Variants in CAMTA1 observed in about 807,000 individuals in gnomAD.
CAMTA1 encodes calmodulin-binding transcription activator 1.
Under a neutral mutation model 170.9 loss-of-function variants are expected in CAMTA1, and 27 were observed. That is an observed-to-expected ratio of 0.16 (90% CI 0.12 to 0.22). The LOEUF is 0.22. Among genes scored for constraint, CAMTA1 ranks in the 10% least tolerant of loss-of-function variants. The pLI, the probability that CAMTA1 is intolerant of heterozygous loss-of-function variation, is 1.00. For synonymous variants in CAMTA1, 833 were observed against 891.5 expected (o/e 0.93, Z 1.17); for missense variants, 1,619 against 2,217.2 (o/e 0.73, Z 5.42).
intron 6 of CAMTA1, among the ~76,000 whole-genome samples, chr1:7,479,050 G>A (rs961989279): frequency 2.6e-5 from 4 of 152,342 alleles, no homozygotes; most frequent in Admixed American, 1.3e-4. Flanking sequence ...CCCACTCTGC[G>A]TGTGGACGTC....
At chr1:7,104,107 C>T (rs1418902251) in intron 4 of CAMTA1, among the ~76,000 whole-genome samples, 1 of 123,486 alleles carries the variant, frequency 8.1e-6, no homozygotes, top group Non-Finnish European at 1.8e-5. Context: ...CACAACTACA[C>T]ACATGTACAC....
Position 7,384,234 on chromosome 1 carries a change from G to A in CAMTA1, c.439-83596G>A, listed in dbSNP as rs182058946. On this transcript the variant is annotated intron_variant, in intron 5 of 22. Coordinates refer to ENST00000303635, the MANE Select transcript of CAMTA1 (RefSeq NM_015215.4). The stretch of plus-strand genomic sequence containing the variant: ...GAAAGCACCACCTGCAGCACAATTT[G>A]TACTTACTGCTTCTGCCAGAGGTTT... Among the ~76,000 whole-genome samples, 215 of 152,336 alleles carry A rather than the reference G, an allele frequency of 1.4e-3. 1 individual carries two copies. Among genetic ancestry groups the A allele is most frequent in the African/African-American group, 5.1e-3 (213 of 41,574 alleles).
chr1:7,095,825 C>G (rs540272799), intron 4 of CAMTA1, among the ~76,000 whole-genome samples: 4 of 152,358 alleles, frequency 2.6e-5, no homozygotes, highest in African/African-American at 9.6e-5. Context: ...GTCCCTTTCA[C>G]CAGAGGGCAG....
At position 6,918,915 on chromosome 1, in the gene CAMTA1, C is replaced by T. The variant is rs1274358096; in HGVS notation, c.234+93705C>T. Among the ~76,000 whole-genome samples, 3 of 152,170 alleles carry T rather than the reference C, an allele frequency of 2.0e-5. No homozygotes were observed. The highest frequency in any genetic ancestry group is 2.0e-4 in the Admixed American group (3 of 15,290). ...CCTCAAATTCAAGGGTGTGGCCGCT[C>T]CAAAGGCACCACAGGCCACAGAGAA... is the stretch of plus-strand genomic sequence containing the variant. On this transcript the variant is annotated intron_variant, in intron 3 of 22. Transcript: ENST00000303635. This position sits in a 1 kb window ranked among gnomAD's most constrained non-coding sequence, Gnocchi z 4.0.
At chr1:7,727,121 A>ATTTTTT (rs71567310) in intron 11 of CAMTA1, among the ~76,000 whole-genome samples, 1 of 130,358 alleles carries the variant, frequency 7.7e-6, no homozygotes, top group Non-Finnish European at 1.6e-5. Context: ...CCTTGTATTA[A>ATTTTTT]TTTTTTTTTT....
At chr1:7,623,668 C>T (rs191825207) in intron 6 of CAMTA1, among the ~76,000 whole-genome samples, 26 of 152,338 alleles carry the variant, frequency 1.7e-4, no homozygotes, top group African/African-American at 6.0e-4. Context: ...CCAGCTAATT[C>T]TGTATTTTCA....
chr1:7,670,628 G>A (rs956861741), intron 9 of CAMTA1, among the ~76,000 whole-genome samples: 2 of 152,194 alleles, frequency 1.3e-5, no homozygotes, highest in Admixed American at 6.5e-5. Flanking sequence ...CTGGATCTGC[G>A]AGTTACACAA....
chr1:7,138,574 A>G (rs940611790), intron 4 of CAMTA1, among the ~76,000 whole-genome samples: 4 of 152,262 alleles, frequency 2.6e-5, no homozygotes, highest in African/African-American at 9.6e-5. Flanking sequence ...TCCCACAGGC[A>G]TACACGTCTT....
At chr1:7,407,296 C>CT in intron 5 of CAMTA1, among the ~76,000 whole-genome samples, 1 of 152,220 alleles carries the variant, frequency 6.6e-6, no homozygotes, top group Non-Finnish European at 1.5e-5. Context: ...GATACAGAGG[C>CT]TATTAAAGCC....
intron 3 of CAMTA1, among the ~76,000 whole-genome samples, chr1:7,073,015 C>T (rs1023993419): frequency 1.3e-5 from 2 of 152,058 alleles, no homozygotes; most frequent in African/African-American, 2.4e-5. Flanking sequence ...CAGGGAGATC[C>T]AAAAGGCAGA....
rs2094718777 is a variant in CAMTA1 at position 7,547,814 on chromosome 1, T to C, written c.510+79913T>C. On this transcript the variant is annotated intron_variant, in intron 6 of 22. Transcript: ENST00000303635. This position sits in a 1 kb window ranked among gnomAD's most constrained non-coding sequence, Gnocchi z 5.7. ...CTGTACACAACCAGTCTCACATCTC[T>C]GCCACCCCATGTGGGCCCCCTCCAA... is the stretch of plus-strand genomic sequence containing the variant. 6.7e-6 allele frequency among the ~76,000 whole-genome samples: 1 copy of C among 149,708 alleles called. No individual in the cohort carries two copies. The highest frequency in any genetic ancestry group is 1.5e-5 in the Non-Finnish European group (1 of 66,992).
At chr1:7,145,054 G>A (rs1646103908) in intron 4 of CAMTA1, among the ~76,000 whole-genome samples, 1 of 152,212 alleles carries the variant, frequency 6.6e-6, no homozygotes, top group South Asian at 2.1e-4. Context: ...TGCTCTGGGG[G>A]AAGTAAGGGA....
intron 3 of CAMTA1, among the ~76,000 whole-genome samples, chr1:6,935,253 A>C (rs11120789): frequency 0.043 from 6,570 of 152,246 alleles, 497 homozygotes; most frequent in African/African-American, 0.15. Flanking sequence ...CCCACTTGGC[A>C]GTTTGGAAGT....
chr1:7,677,258 C>T (rs1029477560), intron 10 of CAMTA1, among the ~76,000 whole-genome samples: 2 of 152,190 alleles, frequency 1.3e-5, no homozygotes, highest in Non-Finnish European at 2.9e-5. Flanking sequence ...GGGAAGTCAG[C>T]CAGCCATGAG....
rs1372359754 is a variant in CAMTA1, at chr1:7,171,496, T to A, written c.303-77995T>A. 2.0e-5 allele frequency among the ~76,000 whole-genome samples: 3 copies of A among 152,218 alleles called. No individual in the cohort carries two copies. The East Asian group carries it at 5.8e-4, about 29-fold the overall frequency. Reference sequence around the variant, plus strand: ...TATCTCAGGGCCAACACAGACCAAGTGGTCAACAAGTATTTATTGGACTGA... The same window carrying A: ...TATCTCAGGGCCAACACAGACCAAGAGGTCAACAAGTATTTATTGGACTGA... On this transcript the variant is annotated intron_variant, in intron 4 of 22. Transcript: ENST00000303635.
chr1:7,607,418 G>C (rs1269126655), intron 6 of CAMTA1, among the ~76,000 whole-genome samples: 1 of 151,776 alleles, frequency 6.6e-6, no homozygotes, highest in Non-Finnish European at 1.5e-5. Flanking sequence ...TGGATGGATG[G>C]ATGGATGTGT....
At chr1:7,460,114 G>C (rs1575445596) in intron 5 of CAMTA1, among the ~76,000 whole-genome samples, 3 of 152,372 alleles carry the variant, frequency 2.0e-5, no homozygotes, top group South Asian at 4.1e-4. Flanking sequence ...AACTGTGTGT[G>C]GAGTCATGCA....
intron 3 of CAMTA1, among the ~76,000 whole-genome samples, chr1:6,892,079 C>G (rs56262836): frequency 0.057 from 8,706 of 152,314 alleles, 622 homozygotes; most frequent in Admixed American, 0.22. Context: ...TGGTTCCCCT[C>G]TTAAAATGGC....
chr1:7,376,181 TAAG>T (rs975555079), intron 5 of CAMTA1, among the ~76,000 whole-genome samples: 2 of 152,266 alleles, frequency 1.3e-5, no homozygotes, highest in Non-Finnish European at 2.9e-5. Flanking sequence ...GTATGAATAG[TAAG>T]AAGGCAGCTC....
Sources: gnomAD v4.1 joint callset for allele counts (sites outside exome capture counted in the v4.1 genomes callset) on GRCh38, gnomAD v4.1.1 for gene constraint, Gnocchi (gnomAD v3.1) non-coding constraint, MANE v1.5 for transcripts, NCBI Gene and HGNC (gene_info 2026-07-23, HGNC 2026-07-21) for gene names.